The following ADGRL3 variants were observed in gnomAD, a reference collection of about 807,000 sequenced individuals.
ADGRL3 encodes calcium-independent alpha-latrotoxin receptor 3.
In ADGRL3, 62 loss-of-function variants were observed where a neutral mutation model predicts 153.5. The ratio of observed to expected loss-of-function variants is 0.40; its 90% CI spans 0.33 to 0.50. The LOEUF (loss-of-function observed/expected upper bound fraction) is 0.50. Among genes scored for constraint, ADGRL3 ranks in the 20% least tolerant of loss-of-function variants. The probability of loss-of-function intolerance (pLI) is 0.47; values close to 1 mark genes in which losing one functional copy is unlikely to be tolerated. For missense variants in ADGRL3, 1,641 were observed against 1,859.4 expected (o/e 0.88, Z 2.16); for synonymous variants, 710 against 672.5 (o/e 1.06, Z -0.86).
intron 2 of ADGRL3, among the ~76,000 whole-genome samples, chr4:61,476,292 A>G (rs1219250328): frequency 6.6e-6 from 1 of 151,236 alleles, no homozygotes; most frequent in Non-Finnish European, 1.5e-5. Context: ...CGGGTGGACG[A>G]TCTCGGCTCA....
At chr4:61,333,497 T>C (rs1040713572) in intron 1 of ADGRL3, among the ~76,000 whole-genome samples, 3 of 152,240 alleles carry the variant, frequency 2.0e-5, no homozygotes, top group African/African-American at 7.2e-5. Flanking sequence ...TCTTCACATG[T>C]TGTTCAACAC....
At chr4:61,546,722 A>C (rs1197196806) in intron 4 of ADGRL3, among the ~76,000 whole-genome samples, 1 of 152,192 alleles carries the variant, frequency 6.6e-6, no homozygotes, top group East Asian at 1.9e-4. Flanking sequence ...TTCTCCAGAC[A>C]TGAGAAAATG....
intron 8 of ADGRL3, among the ~76,000 whole-genome samples, chr4:61,750,102 A>AC: frequency 6.6e-6 from 1 of 151,550 alleles, no homozygotes; most frequent in Non-Finnish European, 1.5e-5. Context: ...ACAAGAAAGA[A>AC]CAAGGCAGGC....
chr4:61,826,881 C>T (rs896309253), intron 9 of ADGRL3, among the ~76,000 whole-genome samples: 17 of 151,374 alleles, frequency 1.1e-4, no homozygotes, highest in Non-Finnish European at 1.0e-4. Flanking sequence ...CAAGCCTGCA[C>T]GTTGTGCACA....
In ADGRL3 at chr4:61,587,339, C is replaced by A. The variant is rs1408835792; in HGVS notation, c.372C>A (p.Ala124=). The part of the protein sequence containing the change: ...PGTDVIMIES[A]NYGRTDDKIC... ...CAGACGTCATCATGATAGAAAGTGC[C>A]AACTATGGCAGGACTGATGACAAAA... The change falls in exon 5 of 27, where the codon GCC becomes GCA. Residue 124 remains alanine, a synonymous_variant. Coordinates refer to ENST00000683033, the MANE Select transcript of ADGRL3 (RefSeq NM_001387552.1). 1 of 1,612,232 alleles carries A rather than the reference C, an allele frequency of 6.2e-7. No individual in the cohort carries two copies. Among genetic ancestry groups the A allele is most frequent in the South Asian group, 1.1e-5 (1 of 91,004 alleles).
At chr4:61,649,281 T>C (rs1014284822) in intron 5 of ADGRL3, among the ~76,000 whole-genome samples, 1 of 152,112 alleles carries the variant, frequency 6.6e-6, no homozygotes. Flanking sequence ...ACCAGATATG[T>C]ATGCCTCTAG....
intron 2 of ADGRL3, among the ~76,000 whole-genome samples, chr4:61,444,244 G>T (rs1267358762): frequency 6.6e-6 from 1 of 152,170 alleles, no homozygotes; most frequent in Non-Finnish European, 1.5e-5. Context: ...AAAGATTGGA[G>T]CTTTGCCTGT....
At chr4:61,794,695 GA>G (rs1020187245) in intron 8 of ADGRL3, among the ~76,000 whole-genome samples, 12 of 152,166 alleles carry the variant, frequency 7.9e-5, no homozygotes, top group African/African-American at 2.9e-4. Flanking sequence ...TCATAAAGAA[GA>G]ACTCAAAATG....
At chr4:61,909,143 T>C (rs2098710263) in intron 11 of ADGRL3, among the ~76,000 whole-genome samples, 1 of 152,212 alleles carries the variant, frequency 6.6e-6, no homozygotes, top group Non-Finnish European at 1.5e-5. Context: ...GAGTATTCAC[T>C]GTGAACTAAG....
At chr4:61,939,715 G>A (rs1056219549) in intron 15 of ADGRL3, among the ~76,000 whole-genome samples, 3 of 151,780 alleles carry the variant, frequency 2.0e-5, no homozygotes, top group East Asian at 3.9e-4. Context: ...TGATCTGCCC[G>A]CCTCAGCCTC....
intron 9 of ADGRL3, among the ~76,000 whole-genome samples, chr4:61,882,317 C>A (rs1428126434): frequency 6.6e-6 from 1 of 152,082 alleles, no homozygotes; most frequent in Non-Finnish European, 1.5e-5. Context: ...TCATGGTATC[C>A]ATACTCAAAA....
At chr4:62,006,032 ATT>A (rs1553908051) in intron 21 of ADGRL3, among the ~76,000 whole-genome samples, 934 of 73,018 alleles carry the variant, frequency 0.013, 11 homozygotes, top group Non-Finnish European at 0.016. Flanking sequence ...ATATATATAT[ATT>A]TTTTTTTTTT....
At chr4:61,804,481 A>G (rs1403415947) in intron 8 of ADGRL3, among the ~76,000 whole-genome samples, 1 of 152,204 alleles carries the variant, frequency 6.6e-6, no homozygotes, top group Non-Finnish European at 1.5e-5. Flanking sequence ...ATATTCTGCT[A>G]AAAACCTCCT....
At chr4:61,272,305 A>G (rs2093230380) in intron 1 of ADGRL3, among the ~76,000 whole-genome samples, 1 of 152,074 alleles carries the variant, frequency 6.6e-6, no homozygotes, top group Non-Finnish European at 1.5e-5. Context: ...CAAAAAAATC[A>G]GTATATGGAA....
chr4:61,948,558 A>C, intron 17 of ADGRL3, among the ~76,000 whole-genome samples: 1 of 152,242 alleles, frequency 6.6e-6, no homozygotes, highest in Non-Finnish European at 1.5e-5. Context: ...CCATAACCTC[A>C]TGAACAGGGT....
intron 1 of ADGRL3, among the ~76,000 whole-genome samples, chr4:61,241,277 T>C (rs1754842812): frequency 6.6e-6 from 1 of 151,834 alleles, no homozygotes; most frequent in Non-Finnish European, 1.5e-5. Context: ...GTAACGAAGG[T>C]GTTTGTGATA....
chr4:61,656,197 A>T (rs1412214854), intron 5 of ADGRL3, among the ~76,000 whole-genome samples: 1 of 152,170 alleles, frequency 6.6e-6, no homozygotes, highest in East Asian at 1.9e-4. Context: ...ATGCTTCTTA[A>T]TGCTATCTTT....
chr4:61,213,942 T>A (rs917708850), intron 1 of ADGRL3, among the ~76,000 whole-genome samples: 3 of 152,122 alleles, frequency 2.0e-5, no homozygotes, highest in Non-Finnish European at 4.4e-5. Flanking sequence ...TGGTTACAGA[T>A]CCAGATGCAT....
At chr4:61,498,588 T>C (rs1172126770) in intron 3 of ADGRL3, among the ~76,000 whole-genome samples, 3 of 151,926 alleles carry the variant, frequency 2.0e-5, no homozygotes, top group Non-Finnish European at 4.4e-5. Context: ...CAAAATAATA[T>C]TAATGTGTGT....
Sources: gnomAD v4.1 joint callset for allele counts (sites outside exome capture counted in the v4.1 genomes callset) on GRCh38, gnomAD v4.1.1 for gene constraint, MANE v1.5 for transcripts, NCBI Gene and HGNC (gene_info 2026-07-23, HGNC 2026-07-21) for gene names.